Variants in SLC35F1 observed in about 807,000 individuals in gnomAD.
The protein encoded by SLC35F1 is solute carrier family 35 member F1.
A neutral mutation model predicts 48.7 loss-of-function variants in SLC35F1; 14 were observed. The ratio of observed to expected loss-of-function variants is 0.29; its 90% CI spans 0.19 to 0.45. The LOEUF (loss-of-function observed/expected upper bound fraction) is 0.45. Among genes scored for constraint, SLC35F1 ranks in the 20% least tolerant of loss-of-function variants. The pLI is 1.00. For missense variants in SLC35F1, 404 were observed against 500.0 expected (o/e 0.81, Z 1.83); for synonymous variants, 190 against 202.2 (o/e 0.94, Z 0.51).
intron 1 of SLC35F1, among the ~76,000 whole-genome samples, chr6:118,045,882 C>T (rs1390771587): frequency 1.3e-5 from 2 of 152,094 alleles, no homozygotes; most frequent in African/African-American, 4.8e-5. Flanking sequence ...CTTTCTTTTA[C>T]GTTTGTTTTT....
intron 2 of SLC35F1, among the ~76,000 whole-genome samples, chr6:118,175,937 A>AG (rs1324044597): frequency 1.3e-5 from 2 of 152,144 alleles, no homozygotes; most frequent in South Asian, 4.2e-4. Flanking sequence ...AATTAGCGAG[A>AG]GGGAAAAAAA....
intron 7 of SLC35F1, among the ~76,000 whole-genome samples, chr6:118,286,141 A>C (rs537150923): frequency 2.0e-5 from 3 of 152,302 alleles, no homozygotes; most frequent in Non-Finnish European, 4.4e-5. Flanking sequence ...ACTATGACCC[A>C]GTGTGAAACA....
At chr6:118,082,614 C>A (rs1772928078) in intron 1 of SLC35F1, among the ~76,000 whole-genome samples, 1 of 151,548 alleles carries the variant, frequency 6.6e-6, no homozygotes, top group African/African-American at 2.4e-5. Context: ...AGAAGACCAC[C>A]AAAAGTTGAG....
chr6:118,174,208 C>G (rs934032123), intron 2 of SLC35F1, among the ~76,000 whole-genome samples: 17 of 152,064 alleles, frequency 1.1e-4, no homozygotes, highest in African/African-American at 3.9e-4. Context: ...AAATGTGACA[C>G]ATGGTCAAGA....
At position 118,024,625 on chromosome 6, in the gene SLC35F1, A is replaced by G. The variant is rs902181108; in HGVS notation, c.173+116726A>G. On this transcript the variant is annotated intron_variant, in intron 1 of 7. Coordinates refer to ENST00000360388, the MANE Select transcript of SLC35F1 (RefSeq NM_001029858.4). ...AGAGTGAATTTCTGTAAATAAATTT[A>G]TATAGTTTTCAATAGTTTTCAGCAT... Among the ~76,000 whole-genome samples, 9 of 152,198 alleles carry G rather than the reference A, an allele frequency of 5.9e-5. 1 individual carries two copies. Among genetic ancestry groups the G allele is most frequent in the African/African-American group, 1.9e-4 (8 of 41,454 alleles).
chr6:118,099,143 G>A (rs1419186941), intron 1 of SLC35F1, among the ~76,000 whole-genome samples: 1 of 152,214 alleles, frequency 6.6e-6, no homozygotes, highest in Non-Finnish European at 1.5e-5. Context: ...GCAGGAAGGT[G>A]GTGAATGTGG....
At chr6:118,209,454 T>G (rs1774976080) in intron 2 of SLC35F1, among the ~76,000 whole-genome samples, 1 of 152,212 alleles carries the variant, frequency 6.6e-6, no homozygotes. Context: ...TTTTATATGC[T>G]TAATATTTTA....
At chr6:118,202,356 G>T (rs1056229699) in intron 2 of SLC35F1, among the ~76,000 whole-genome samples, 29 of 152,078 alleles carry the variant, frequency 1.9e-4, no homozygotes, top group African/African-American at 6.5e-4. Context: ...AATTAGCTAG[G>T]CATGGTGGCA....
chr6:118,271,281 C>G lies in SLC35F1; in HGVS notation c.637+4127C>G, dbSNP rs151177446. On this transcript the variant is annotated intron_variant, in intron 4 of 7. Coordinates refer to ENST00000360388, the MANE Select transcript of SLC35F1 (RefSeq NM_001029858.4). ...TTAAGGGCACACCATCACCAAATTA[C>G]GTGGCCCAGATATGAAATTTAGCCA... Among the ~76,000 whole-genome samples, 499 of 152,274 alleles carry G rather than the reference C, an allele frequency of 3.3e-3. 3 individuals carry two copies. Among genetic ancestry groups the G allele is most frequent in the African/African-American group, 0.012 (478 of 41,552 alleles).
intron 1 of SLC35F1, among the ~76,000 whole-genome samples, chr6:117,955,906 A>C (rs751401525): frequency 4.6e-5 from 7 of 152,244 alleles, no homozygotes; most frequent in African/African-American, 1.7e-4. Context: ...AGAACTAAGC[A>C]CTGAAAAGCA....
intron 1 of SLC35F1, among the ~76,000 whole-genome samples, chr6:118,068,214 A>G (rs1473224265): frequency 3.3e-5 from 5 of 152,088 alleles, no homozygotes; most frequent in Admixed American, 3.3e-4. Flanking sequence ...AGACTCACCA[A>G]TCTTCTCCAG....
intron 1 of SLC35F1, among the ~76,000 whole-genome samples, chr6:118,056,170 C>G (rs1037251999): frequency 6.6e-6 from 1 of 152,108 alleles, no homozygotes; most frequent in African/African-American, 2.4e-5. Context: ...TCTTAAATCT[C>G]TTATCTCTAG....
intron 3 of SLC35F1, among the ~76,000 whole-genome samples, chr6:118,246,792 A>G (rs1775512879): frequency 6.6e-6 from 1 of 152,174 alleles, no homozygotes; most frequent in Non-Finnish European, 1.5e-5. Context: ...TAAGGCAAAA[A>G]TGATGCAACC....
chr6:118,257,103 C>T (rs756911430), intron 3 of SLC35F1, among the ~76,000 whole-genome samples: 11 of 152,086 alleles, frequency 7.2e-5, no homozygotes, highest in Non-Finnish European at 1.0e-4. Context: ...CATGATACCA[C>T]CCAGGTCAGG....
intron 1 of SLC35F1, among the ~76,000 whole-genome samples, chr6:118,121,053 G>T (rs1773546698): frequency 1.3e-5 from 2 of 152,080 alleles, no homozygotes; most frequent in African/African-American, 4.8e-5. Context: ...TAGGGTGCCA[G>T]TTAAAAATAG....
intron 1 of SLC35F1, among the ~76,000 whole-genome samples, chr6:118,066,383 C>T (rs1772613865): frequency 6.6e-6 from 1 of 152,100 alleles, no homozygotes; most frequent in African/African-American, 2.4e-5. Context: ...CCTCTAGGAC[C>T]TGAAGGCATG....
chr6:118,221,822 A>G (rs1775155411), intron 2 of SLC35F1, among the ~76,000 whole-genome samples: 1 of 152,134 alleles, frequency 6.6e-6, no homozygotes, highest in Non-Finnish European at 1.5e-5. Context: ...ATATCATTTT[A>G]ATTTGTAACT....
chr6:118,256,665 A>C (rs565883828), intron 3 of SLC35F1, among the ~76,000 whole-genome samples: 8 of 152,280 alleles, frequency 5.3e-5, no homozygotes, highest in African/African-American at 1.9e-4. Context: ...TCCCTTGAAA[A>C]CACTGACCTG....
intron 1 of SLC35F1, among the ~76,000 whole-genome samples, chr6:118,077,437 C>A (rs4283912): frequency 2.0e-5 from 3 of 152,062 alleles, no homozygotes; most frequent in African/African-American, 7.3e-5. Context: ...GGGAAATACC[C>A]TTTGAGAACC....
Sources: allele counts gnomAD v4.1 joint callset (sites outside exome capture counted in the v4.1 genomes callset), GRCh38; gene constraint gnomAD v4.1.1; transcripts MANE v1.5; gene names NCBI Gene and HGNC (gene_info 2026-07-23, HGNC 2026-07-21).